Variants in FSTL4 observed in about 807,000 individuals in gnomAD.
FSTL4 encodes the protein follistatin like 4, also known as follistatin-related protein 4.
In FSTL4, 28 loss-of-function variants were observed where a neutral mutation model predicts 78.2. That is an observed-to-expected ratio of 0.36 (90% CI 0.27 to 0.49). FSTL4 has a LOEUF of 0.49. Among genes scored for constraint, FSTL4 ranks in the 20% least tolerant of loss-of-function variants. FSTL4 has a pLI of 0.98. For synonymous variants in FSTL4, 422 were observed against 440.5 expected, an observed-to-expected ratio of 0.96 and a Z score of 0.53; for missense variants, 922 against 1,084.9, an observed-to-expected ratio of 0.85 and a Z score of 2.11.
intron 4 of FSTL4, among the ~76,000 whole-genome samples, chr5:133,340,931 G>A (rs948142640): frequency 1.3e-5 from 2 of 151,818 alleles, no homozygotes; most frequent in Non-Finnish European, 2.9e-5. Flanking sequence ...TCCTGAGACA[G>A]TGCCTGGCCC....
chr5:133,539,693 C>T (rs1217606114), intron 3 of FSTL4, among the ~76,000 whole-genome samples: 1 of 152,130 alleles, frequency 6.6e-6, no homozygotes, highest in African/African-American at 2.4e-5. Flanking sequence ...TTCTTCCTTT[C>T]CATACAAAGT....
intron 6 of FSTL4, among the ~76,000 whole-genome samples, chr5:133,268,423 C>T (rs1260265532): frequency 4.6e-5 from 7 of 152,214 alleles, no homozygotes. Flanking sequence ...AGACAAGTCA[C>T]TACCCCCCTA....
intron 6 of FSTL4, among the ~76,000 whole-genome samples, chr5:133,296,155 G>A (rs1753390625): frequency 6.6e-6 from 1 of 152,024 alleles, no homozygotes; most frequent in Non-Finnish European, 1.5e-5. Context: ...CAGTCCTCAT[G>A]CCCAAAACCC....
intron 4 of FSTL4, among the ~76,000 whole-genome samples, chr5:133,330,548 T>A (rs1457776018): frequency 3.3e-5 from 5 of 152,172 alleles, no homozygotes; most frequent in Admixed American, 3.3e-4. Flanking sequence ...CCCACCCCCA[T>A]GATCCAATCA....
At position 133,547,657 on chromosome 5, in the gene FSTL4, G is replaced by A. The variant is rs189961832; in HGVS notation, c.160+19529C>T. Among the ~76,000 whole-genome samples the A allele has an allele frequency of 3.9e-3, 591 of 152,262 alleles. 5 individuals are homozygous for A. Among genetic ancestry groups the A allele is most frequent in the African/African-American group, 0.013 (554 of 41,558 alleles). ...GGACTGGATTAATTACCACAAAAGC[G>A]AGTTGCTATAAAGTGAGGCTGTCCT... On this transcript the variant is annotated intron_variant, in intron 3 of 15. Coordinates refer to ENST00000265342, the MANE Select transcript of FSTL4 (RefSeq NM_015082.2).
the FSTL4 span, among the ~76,000 whole-genome samples, chr5:133,819,537 A>G: frequency 1.3e-5 from 2 of 152,138 alleles, no homozygotes; most frequent in African/African-American, 2.4e-5. Context: ...ACTGTAGGCT[A>G]TAATTTAAGC....
intron 6 of FSTL4, among the ~76,000 whole-genome samples, chr5:133,278,929 T>C (rs996290749): frequency 2.6e-5 from 4 of 152,184 alleles, no homozygotes; most frequent in African/African-American, 9.7e-5. Flanking sequence ...AGTAACAGCC[T>C]TCCTGGGCCT....
chr5:133,404,454 G>C (rs1756308696), intron 3 of FSTL4, among the ~76,000 whole-genome samples: 2 of 152,206 alleles, frequency 1.3e-5, no homozygotes, highest in Non-Finnish European at 2.9e-5. Context: ...CATTTACTCA[G>C]GTTAAAAACT....
At chr5:133,366,763 C>A (rs1755189509) in intron 4 of FSTL4, among the ~76,000 whole-genome samples, 2 of 151,656 alleles carry the variant, frequency 1.3e-5, no homozygotes, top group Admixed American at 1.3e-4. Flanking sequence ...GGAAGCGTCT[C>A]ACACAAGCAC....
At chr5:133,692,982 A>G in the FSTL4 span, among the ~76,000 whole-genome samples, 1 of 152,356 alleles carries the variant, frequency 6.6e-6, no homozygotes, top group South Asian at 2.1e-4. Flanking sequence ...TGAGCCACAT[A>G]TATCTCACCC....
intron 4 of FSTL4, among the ~76,000 whole-genome samples, chr5:133,395,575 T>G (rs1756008822): frequency 2.0e-5 from 3 of 152,106 alleles, no homozygotes. Flanking sequence ...TCAGCTTGAG[T>G]TCAGACTTCC....
chr5:133,790,442 C>T, the FSTL4 span, among the ~76,000 whole-genome samples: 1 of 152,114 alleles, frequency 6.6e-6, no homozygotes, highest in Non-Finnish European at 1.5e-5. Context: ...CATTTAAAAC[C>T]AAATAAAATG....
intron 7 of FSTL4, among the ~76,000 whole-genome samples, chr5:133,245,828 T>A (rs1356399841): frequency 2.0e-5 from 3 of 152,196 alleles, no homozygotes; most frequent in Non-Finnish European, 4.4e-5. Context: ...AGGGGTACAT[T>A]TACTTTCTGA....
upstream of FSTL4, among the ~76,000 whole-genome samples, chr5:133,613,552 C>T (rs935730094): frequency 2.6e-5 from 4 of 152,186 alleles, no homozygotes; most frequent in African/African-American, 4.8e-5. Flanking sequence ...AGAGATATTA[C>T]GTTTGTTTTT....
the FSTL4 span, among the ~76,000 whole-genome samples, chr5:133,618,525 G>A: frequency 6.6e-6 from 1 of 152,316 alleles, no homozygotes; most frequent in South Asian, 2.1e-4. Context: ...GTCAAGAGGT[G>A]CAAAGTGATG....
chr5:133,684,881 A>T, the FSTL4 span, among the ~76,000 whole-genome samples: 9 of 152,174 alleles, frequency 5.9e-5, no homozygotes, highest in Non-Finnish European at 1.2e-4. Flanking sequence ...ATAATTATTC[A>T]TTGTTTTATT....
chr5:133,805,738 T>G, the FSTL4 span, among the ~76,000 whole-genome samples: 151,168 of 152,280 alleles, frequency 0.99, 75,042 homozygotes, highest in Middle Eastern at 1. Context: ...TCTCCCAACA[T>G]GCCTGAGACT....
chr5:133,798,305 A>T, the FSTL4 span, among the ~76,000 whole-genome samples: 7 of 152,208 alleles, frequency 4.6e-5, no homozygotes, highest in Non-Finnish European at 7.3e-5. Context: ...CTTGAAATTC[A>T]GCTACTTCAG....
intron 3 of FSTL4, among the ~76,000 whole-genome samples, chr5:133,418,175 TA>T (rs1019699514): frequency 5.3e-5 from 8 of 151,420 alleles, no homozygotes; most frequent in Admixed American, 4.6e-4. Context: ...TGTGGTTCTT[TA>T]AAAAAATTAT....
Sources: gnomAD v4.1 joint callset for allele counts (sites outside exome capture counted in the v4.1 genomes callset) on GRCh38, gnomAD v4.1.1 for gene constraint, MANE v1.5 for transcripts, NCBI Gene and HGNC (gene_info 2026-07-23, HGNC 2026-07-21) for gene names.